TNFRSF4: variants seen among roughly 807,000 people sequenced by gnomAD.
The protein encoded by TNFRSF4 is tumor necrosis factor receptor superfamily member 4.
In TNFRSF4, 21 loss-of-function variants were observed where a neutral mutation model predicts 29.5. The observed-to-expected ratio is 0.71, with a 90% confidence interval of 0.51 to 1.03. The LOEUF (loss-of-function observed/expected upper bound fraction) is 1.03, where lower values mean the gene tolerates loss of function less well. Ranked by LOEUF, TNFRSF4 falls within the 50% of genes least tolerant of loss-of-function variation. TNFRSF4 has a pLI of 0.00. For missense variants in TNFRSF4, 408 were observed against 387.8 expected (o/e 1.05, Z -0.44); for synonymous variants, 197 against 172.7 (o/e 1.14, Z -1.10).
At position 1,213,062 on chromosome 1, in the gene TNFRSF4, CG is replaced by C; in HGVS notation, c.299del (p.Thr100ArgfsTer?). 6.2e-7 allele frequency: 1 copy of C among 1,611,112 alleles called. No individual in the cohort carries two copies. ...RSGSERKQLC[T>X]ATQDTVCRCR... ...AGCGGCAGACTGTGTCCTGTGTGGC[CG>C]TGCACAGCTGCTTCCGCTCACTCCC... On this transcript the variant is annotated frameshift_variant, in exon 3 of 7. Coordinates refer to ENST00000379236, the MANE Select transcript of TNFRSF4 (RefSeq NM_003327.4). LOFTEE classifies it high-confidence loss of function.
At chr1:1,212,609 C>CCCCCCCCCCCCCCCCCCGG in intron 4 of TNFRSF4, 29 bp downstream of exon 4, 1 of 1,468,248 alleles carries the variant, frequency 6.8e-7, no homozygotes, top group Non-Finnish European at 9.1e-7. Context: ...CCCCCCCAGC[C>CCCCCCCCCCCCCCCCCCGG]CCTCCCAGCC....
In TNFRSF4 at chr1:1,212,618, C is replaced by G. The variant is rs1404297470; in HGVS notation, c.437+20G>C. The G allele has an allele frequency of 8.6e-6, 13 of 1,517,544 alleles. No individual in the cohort carries two copies. In the Middle Eastern group the frequency reaches 1.4e-3, roughly 164 times the overall value. 94.0% of individuals were successfully genotyped at this position (1,517,544 alleles called of 1,614,324 possible). A position where few individuals can be genotyped will look rare whatever the true frequency, so the allele number is the denominator to read the frequency against. On this transcript the variant is annotated intron_variant, in intron 4 of 6. Transcript: ENST00000379236. Reference sequence around the variant, plus strand: ...CCAACCCCCCCCCAGCCCCTCCCAGCCCCTGGCCAGGCCCCTCACTTGGTC... The same window carrying G: ...CCAACCCCCCCCCAGCCCCTCCCAGGCCCTGGCCAGGCCCCTCACTTGGTC...
At chr1:1,212,543 G>GGCCCCCCC in intron 4 of TNFRSF4, 95 bp downstream of exon 4, 1 of 133,102 alleles carries the variant, frequency 7.5e-6, no homozygotes. Context: ...CACCCCACCT[G>GGCCCCCCC]CCCCCCCAGC....
rs746769533 is a variant in TNFRSF4, at chr1:1,213,712, G to C, written c.219C>G (p.Asn73Lys). The C allele has an allele frequency of 6.3e-7, 1 of 1,599,448 alleles. No individual in the cohort carries two copies. Among genetic ancestry groups the C allele is most frequent in the South Asian group, 1.1e-5 (1 of 88,518 alleles). Residue 73 changes from asparagine to lysine, a missense_variant, in exon 2 of 7, where the codon AAC becomes AAG. Transcript: ENST00000379236. ...TGCACGGCTTGGAGCTGACCACGTC[G>C]TTGTAGAAGCCCGGCCCGCACGGAC... ...VCRPCGPGFYNDVVSSKPCKP... is the reference protein window; with the variant it reads ...VCRPCGPGFYKDVVSSKPCKP...
chr1:1,211,488 T>G lies in TNFRSF4; in HGVS notation c.*67A>C, dbSNP rs1649093824. The G allele has an allele frequency of 7.0e-7, 1 of 1,423,562 alleles. No homozygotes were observed. The highest frequency in any genetic ancestry group is 1.5e-5 in the African/African-American group (1 of 67,616). 88.2% of individuals were successfully genotyped at this position (1,423,562 alleles called of 1,614,324 possible). A position where few individuals can be genotyped will look rare whatever the true frequency, so the allele number is the denominator to read the frequency against. ...CGGGGCAGGCGGCCTGCACCTGCCC[T>G]GCTCGCCCAGCAGACCCTCCGGGCT... On this transcript the variant is annotated 3_prime_UTR_variant, in exon 7 of 7. Transcript: ENST00000379236.
rs1172385566 is a variant in TNFRSF4 at position 1,213,964 on chromosome 1, A to AC, written c.145+18dup. ...GTCCCTGGAGTGCCCGTGCGTGGCG[A>AC]CCCCTCCTGAGGCCTCACCTGGCCT... On this transcript the variant is annotated intron_variant, in intron 1 of 6. Coordinates refer to ENST00000379236, the MANE Select transcript of TNFRSF4 (RefSeq NM_003327.4). The AC allele has an allele frequency of 6.5e-7, 1 of 1,539,096 alleles. No homozygotes were observed. The highest frequency in any genetic ancestry group is 1.1e-5 in the South Asian group (1 of 87,156).
intron 1 of TNFRSF4, 92 bp downstream of exon 1, chr1:1,213,891 C>G: frequency 7.0e-7 from 1 of 1,429,566 alleles, no homozygotes; most frequent in Non-Finnish European, 9.3e-7. Flanking sequence ...CACCCGCCCC[C>G]TCCCCAGGAC....
Position 1,211,722 on chromosome 1 carries a change from CG to C in TNFRSF4, c.744del (p.Asp249MetfsTer?). 7 of 1,585,136 alleles carry C rather than the reference CG, an allele frequency of 4.4e-6. No homozygotes were observed. The highest frequency in any genetic ancestry group is 2.3e-5 in the South Asian group (2 of 87,908). ...YLLRRDQRLP[P>X]DAHKPPGGGS... ...CACTCACCAGGGGGCTTGTGGGCATCGGGGGGCAGCCTCTGGTCCCTCCGGA... is the reference window on the plus strand; with the variant it reads ...CACTCACCAGGGGGCTTGTGGGCATCGGGGGCAGCCTCTGGTCCCTCCGGA... On this transcript the variant is annotated frameshift_variant, in exon 6 of 7. Coordinates refer to ENST00000379236, the MANE Select transcript of TNFRSF4 (RefSeq NM_003327.4). LOFTEE classifies it high-confidence loss of function.
intron 2 of TNFRSF4, 195 bp downstream of exon 2, chr1:1,213,468 G>A: frequency 2.0e-6 from 3 of 1,486,146 alleles, no homozygotes; most frequent in Non-Finnish European, 2.7e-6. Flanking sequence ...GCCGAGTCTG[G>A]GCCCCCGGAG....
intron 2 of TNFRSF4, chr1:1,213,403 C>A (rs1333935403): frequency 5.3e-5 from 81 of 1,532,772 alleles, no homozygotes; most frequent in Non-Finnish European, 6.7e-5. Flanking sequence ...ACTGCTCAGG[C>A]CAGCAAGGCC....
In TNFRSF4 at chr1:1,211,629, G is replaced by A; in HGVS notation, c.764-4C>T. 2 of 1,556,754 alleles carry A rather than the reference G, an allele frequency of 1.3e-6. No individual in the cohort carries two copies. Among genetic ancestry groups the A allele is most frequent in the Non-Finnish European group, 8.7e-7 (1 of 1,153,342 alleles). ...GGGGTCCGGAAACTGCCTCCCCCTGGGGAGGAAAAAAGGAGAGATTGGTGG... is the reference window on the plus strand; with the variant it reads ...GGGGTCCGGAAACTGCCTCCCCCTGAGGAGGAAAAAAGGAGAGATTGGTGG... On this transcript the variant is annotated splice_polypyrimidine_tract_variant and splice_region_variant and intron_variant, in intron 6 of 6. Transcript: ENST00000379236.
At chr1:1,213,840 AC>A (rs1486177869) in intron 1 of TNFRSF4, 55 bp from the exon 2 acceptor site, 17 of 1,527,488 alleles carry the variant, frequency 1.1e-5, no homozygotes, top group Admixed American at 7.9e-5. Flanking sequence ...GCGCCCGTGG[AC>A]CCCCCCAGGC....
intron 4 of TNFRSF4, 40 bp from the exon 5 acceptor site, chr1:1,212,178 C>T: frequency 6.2e-7 from 1 of 1,607,608 alleles, no homozygotes; most frequent in Non-Finnish European, 8.5e-7. Flanking sequence ...CCAGAAACCC[C>T]CTGGGACCCG....
Position 1,211,768 on chromosome 1 carries a change from G to T in TNFRSF4, c.699C>A (p.Ile233=). The change falls in exon 6 of 7, where the codon ATC becomes ATA. Residue 233 remains isoleucine (I), a synonymous_variant. Coordinates refer to ENST00000379236, the MANE Select transcript of TNFRSF4 (RefSeq NM_003327.4). ...TCCGGAGCAGGTACAGGGCCAGCAG[G>T]ATGGCCAGGGGGCCCAGCAGCCCCA... The part of the protein sequence containing the change: ...LVLGLLGPLA[I]LLALYLLRRD... The T allele has an allele frequency of 6.4e-7, 1 of 1,565,424 alleles. No homozygotes were observed. Among genetic ancestry groups the T allele is most frequent in the Non-Finnish European group, 8.6e-7 (1 of 1,157,590 alleles).
chr1:1,212,697 G>T lies in TNFRSF4; in HGVS notation c.378C>A (p.Ala126=), dbSNP rs538592266. Residue 126 remains alanine, a synonymous_variant, in exon 4 of 7, where the codon GCC becomes GCA. Transcript: ENST00000379236. ...GGGAGAAGTGCCCTGGAGGGCAGGG[G>T]GCACAGTCTGCAACAAAGATAGGGT... is the stretch of plus-strand genomic sequence containing the variant. The part of the protein sequence containing the change: ...LDSYKPGVDC[A]PCPPGHFSPG... The T allele has an allele frequency of 5.8e-6, 9 of 1,564,400 alleles. No homozygotes were observed. The Admixed American group carries it at 9.1e-5, about 16-fold the overall frequency.
chr1:1,213,580 C>A, intron 2 of TNFRSF4, 83 bp downstream of exon 2: 1 of 1,490,458 alleles, frequency 6.7e-7, no homozygotes, highest in Non-Finnish European at 8.9e-7. Flanking sequence ...GCTGTGGGAG[C>A]CCCATGCTGC....
At chr1:1,212,931 T>G in intron 3 of TNFRSF4, 61 bp downstream of exon 3, 1 of 1,508,130 alleles carries the variant, frequency 6.6e-7, no homozygotes. Context: ...CCACGGCCCA[T>G]CTGCGTCACA....
Position 1,211,463 on chromosome 1 carries a change from C to G in TNFRSF4, c.*92G>C. On this transcript the variant is annotated 3_prime_UTR_variant, in exon 7 of 7. Transcript: ENST00000379236. The stretch of plus-strand genomic sequence containing the variant: ...GTGCAGAGTTGGCCCAGGAGCGTGG[C>G]GGGGCAGGCGGCCTGCACCTGCCCT... 1.6e-6 allele frequency: 2 copies of G among 1,285,038 alleles called. No homozygotes were observed. Among genetic ancestry groups the G allele is most frequent in the Non-Finnish European group, 2.0e-6 (2 of 976,364 alleles). The allele number at this position is 1,285,038 out of a possible 1,614,324, so 79.6% of individuals were successfully genotyped here.
chr1:1,212,789 GC>G, intron 3 of TNFRSF4, 85 bp from the exon 4 acceptor site: 4 of 1,296,896 alleles, frequency 3.1e-6, no homozygotes, highest in Non-Finnish European at 4.2e-6. Context: ...GCAGGCACTT[GC>G]CCCCCATGGC....
Sources: gnomAD v4.1 joint callset for allele counts on GRCh38, gnomAD v4.1.1 for gene constraint, MANE v1.5 for transcripts, NCBI Gene and HGNC (gene_info 2026-07-23, HGNC 2026-07-21) for gene names.